CTNNAL1: variants seen among roughly 807,000 people sequenced by gnomAD.
CTNNAL1 encodes alpha-catulin.
A neutral mutation model predicts 93.6 loss-of-function variants in CTNNAL1; 69 were observed. The observed-to-expected ratio is 0.74, with a 90% CI of 0.61 to 0.90. The LOEUF is 0.90. Among genes scored for constraint, CTNNAL1 ranks in the 40% least tolerant of loss-of-function variants. The pLI is 0.00. For missense variants in CTNNAL1, 836 were observed against 862.0 expected (o/e 0.97, Z 0.38); for synonymous variants, 286 against 305.4 (o/e 0.94, Z 0.66).
chr9:108,992,526 A>G, intron 3 of CTNNAL1, 106 bp downstream of exon 3: 4 of 1,350,188 alleles, frequency 3.0e-6, no homozygotes, highest in East Asian at 2.5e-5. Flanking sequence ...AGCTAGCTGC[A>G]TTCTTCATCG....
At chr9:108,959,364 C>CAAAAA (rs36116094) in intron 11 of CTNNAL1, among the ~76,000 whole-genome samples, 263 of 55,710 alleles carry the variant, frequency 4.7e-3, no homozygotes, top group Middle Eastern at 0.044. Flanking sequence ...GACTCCATAT[C>CAAAAA]AAAAAAAAAA....
chr9:109,009,077 G>A (rs1827130831), intron 1 of CTNNAL1, among the ~76,000 whole-genome samples: 1 of 151,356 alleles, frequency 6.6e-6, no homozygotes, highest in Non-Finnish European at 1.5e-5. Flanking sequence ...TGTATTTTTT[G>A]TAGAGACGGG....
At chr9:108,986,417 C>A (rs1430858655) in intron 4 of CTNNAL1, among the ~76,000 whole-genome samples, 1 of 149,678 alleles carries the variant, frequency 6.7e-6, no homozygotes, top group Non-Finnish European at 1.5e-5. Flanking sequence ...TTTCTTAATC[C>A]AGTCTATCAT....
At chr9:108,988,037 T>A (rs1010685503) in intron 4 of CTNNAL1, among the ~76,000 whole-genome samples, 1 of 152,218 alleles carries the variant, frequency 6.6e-6, no homozygotes, top group African/African-American at 2.4e-5. Flanking sequence ...TCCTGCCTAA[T>A]TGCCCTGGCC....
In CTNNAL1 at chr9:108,965,531, A is replaced by C; in HGVS notation, c.1441-3T>G. ...AATGTTTCAGCAGCAGAAATTATCT[A>C]AAGAAACACAATATACACCTGTGTG... On this transcript the variant is annotated splice_polypyrimidine_tract_variant and splice_region_variant and intron_variant, in intron 10 of 18. Coordinates refer to ENST00000325551, the MANE Select transcript of CTNNAL1 (RefSeq NM_003798.4). The C allele has an allele frequency of 6.5e-7, 1 of 1,546,090 alleles. No homozygotes were observed. The highest frequency in any genetic ancestry group is 8.8e-7 in the Non-Finnish European group (1 of 1,142,246).
At chr9:108,943,858 C>G in intron 16 of CTNNAL1, 42 bp from the exon 17 acceptor site, 1 of 1,606,568 alleles carries the variant, frequency 6.2e-7, no homozygotes, top group Non-Finnish European at 8.5e-7. Context: ...CGCAACAAAA[C>G]TCCATCTTTA....
Position 109,013,320 on chromosome 9 carries a change from T to C in CTNNAL1, c.123A>G (p.Leu41=), listed in dbSNP as rs1320066303. The C allele has an allele frequency of 6.6e-7, 1 of 1,509,674 alleles. No individual in the cohort carries two copies. The highest frequency in any genetic ancestry group is 1.3e-5 in the South Asian group (1 of 79,978). 93.5% of individuals were successfully genotyped at this position (1,509,674 alleles called of 1,614,324 possible). The change falls in exon 1 of 19, where the codon CTA becomes CTG. Residue 41 remains leucine, a synonymous_variant. Coordinates refer to ENST00000325551, the MANE Select transcript of CTNNAL1 (RefSeq NM_003798.4). ...ACTTTACCTGAGAAACCAGCGGGAG[T>C]AGCGTCTGCTCCACCGAGCGAGTTT... ...EIKTRSVEQT[L]LPLVSQITTL...
chr9:108,968,326 G>A (rs1387122723), intron 10 of CTNNAL1, among the ~76,000 whole-genome samples: 1 of 152,170 alleles, frequency 6.6e-6, no homozygotes, highest in Admixed American at 6.5e-5. Flanking sequence ...TAAGGCTTTG[G>A]GAACAGAAAA....
At chr9:108,968,703 C>T (rs1335891652) in intron 10 of CTNNAL1, among the ~76,000 whole-genome samples, 1 of 152,176 alleles carries the variant, frequency 6.6e-6, no homozygotes. Flanking sequence ...CTGTTCTCTA[C>T]AGGAGAGCAT....
rs544876814 is a variant in CTNNAL1, at chr9:108,944,512, T to C, written c.1885-494A>G. On this transcript the variant is annotated intron_variant, in intron 15 of 18. Transcript: ENST00000325551. The stretch of plus-strand genomic sequence containing the variant: ...AGGTGGTTGGTTTTTGTTGCCACTT[T>C]TTTTCAGATTAATTTTCACTATTCA... 1.6e-4 allele frequency among the ~76,000 whole-genome samples: 24 copies of C among 152,318 alleles called. No homozygotes were observed. In the East Asian group the frequency reaches 4.6e-3, roughly 29 times the overall value.
At chr9:108,956,605 T>C (rs1377760709) in intron 11 of CTNNAL1, among the ~76,000 whole-genome samples, 3 of 152,240 alleles carry the variant, frequency 2.0e-5, no homozygotes, top group African/African-American at 7.2e-5. Flanking sequence ...TTGAACCATA[T>C]GAAATTGCTG....
intron 2 of CTNNAL1, among the ~76,000 whole-genome samples, chr9:108,993,437 TAA>T (rs1251959371): frequency 6.6e-6 from 1 of 152,090 alleles, no homozygotes; most frequent in Non-Finnish European, 1.5e-5. Context: ...GTGGGGAAAG[TAA>T]ACAAAACAAA....
At chr9:108,967,089 T>C (rs1181712491) in intron 10 of CTNNAL1, among the ~76,000 whole-genome samples, 1 of 152,204 alleles carries the variant, frequency 6.6e-6, no homozygotes, top group Admixed American at 6.5e-5. Context: ...CCTTCTTGTT[T>C]CACAGACTGG....
At chr9:108,972,864 G>GGGGGGGGGCGCCCCCCCCCCCC in intron 8 of CTNNAL1, 31 bp from the exon 9 acceptor site, 1 of 142,580 alleles carries the variant, frequency 7.0e-6, no homozygotes, top group African/African-American at 9.6e-5. Context: ...GGGGGGGTGG[G>GGGGGGGGGCGCCCCCCCCCCCC]AGGGTGGAGA....
In CTNNAL1 at chr9:108,990,740, C is replaced by T. The variant is rs1587978465; in HGVS notation, c.625G>A (p.Gly209Arg). ...TGAATACATACATTTTGTCTATCTC[C>T]ACTCAGATGTGCAAACTCCACCATT... is the stretch of plus-strand genomic sequence containing the variant. ...NEMVEFAHLS[G>R]DRQNDLKDEK... The change falls in exon 4 of 19, where the codon GGA (glycine) becomes AGA (arginine). Residue 209 changes from glycine (G) to arginine (R), a missense_variant. By Grantham distance (125) the Gly-to-Arg change is moderately radical (BLOSUM62 -2). Transcript: ENST00000325551. 6.2e-7 allele frequency: 1 copy of T among 1,612,656 alleles called. No homozygotes were observed. Among genetic ancestry groups the T allele is most frequent in the East Asian group, 2.2e-5 (1 of 44,830 alleles).
chr9:109,003,918 T>C (rs749875594), intron 1 of CTNNAL1, among the ~76,000 whole-genome samples: 1 of 152,232 alleles, frequency 6.6e-6, no homozygotes, highest in Non-Finnish European at 1.5e-5. Flanking sequence ...GTCCACAAAT[T>C]ATTTGCTATT....
At chr9:108,992,950 G>T in intron 2 of CTNNAL1, 131 bp from the exon 3 acceptor site, 1 of 984,842 alleles carries the variant, frequency 1.0e-6, no homozygotes, top group Non-Finnish European at 1.4e-6. Flanking sequence ...AACAAGAAAC[G>T]GTTTCACCTT....
chr9:108,954,218 T>A (rs189310572), intron 12 of CTNNAL1, among the ~76,000 whole-genome samples: 322 of 152,276 alleles, frequency 2.1e-3, no homozygotes, highest in Non-Finnish European at 3.4e-3. Context: ...TCGTTTCAGT[T>A]ATATAAAGCT....
chr9:108,981,078 C>T (rs1297729226), intron 6 of CTNNAL1, among the ~76,000 whole-genome samples: 2 of 152,220 alleles, frequency 1.3e-5, no homozygotes, highest in East Asian at 1.9e-4. Context: ...TGCCTGATGG[C>T]GAGAGGGCAG....
Sources: gnomAD v4.1 joint callset for allele counts (sites outside exome capture counted in the v4.1 genomes callset) on GRCh38, gnomAD v4.1.1 for gene constraint, MANE v1.5 for transcripts, NCBI Gene and HGNC (gene_info 2026-07-23, HGNC 2026-07-21) for gene names.